The following ZNF600 variants were observed in gnomAD, a reference collection of about 807,000 sequenced individuals.
ZNF600 encodes the protein zinc finger protein KR-ZNF1.
Under a neutral mutation model 7.3 loss-of-function variants are expected in ZNF600, and 4 were observed. The ratio of observed to expected loss-of-function variants is 0.55; its 90% CI spans 0.27 to 1.25. The LOEUF is 1.25. ZNF600 is among the 50% of genes most tolerant of loss of function. The pLI, the probability that ZNF600 is intolerant of heterozygous loss-of-function variation, is 0.12. For missense variants in ZNF600, 911 were observed against 922.1 expected (o/e 0.99, Z 0.16); for synonymous variants, 290 against 308.9 (o/e 0.94, Z 0.64).
chr19:52,774,740 G>T lies in ZNF600; in HGVS notation c.64-39C>A, dbSNP rs533723206. The stretch of plus-strand genomic sequence containing the variant: ...CACATTTCCACAAAACATTATGGAG[G>T]ATTGAGTTATCACCTTCATGGGAAA... On this transcript the variant is annotated intron_variant, in intron 2 of 3. Coordinates refer to ENST00000648973, the Ensembl canonical transcript of ZNF600. The T allele has an allele frequency of 1.3e-5, 13 of 985,256 alleles. No individual in the cohort carries two copies. In the South Asian group the frequency reaches 4.7e-4, roughly 36 times the overall value. 61.0% of individuals were successfully genotyped at this position (985,256 alleles called of 1,614,324 possible).
chr19:52,830,143 C>T, the ZNF600 span, among the ~76,000 whole-genome samples: 1 of 152,006 alleles, frequency 6.6e-6, no homozygotes, highest in Non-Finnish European at 1.5e-5. Context: ...TGTGTTGGTG[C>T]ATGCCTGTAA....
chr19:52,811,434 T>C, the ZNF600 span, among the ~76,000 whole-genome samples: 218 of 141,336 alleles, frequency 1.5e-3, 1 homozygote, highest in Middle Eastern at 3.8e-3. Flanking sequence ...CGCCATCCCA[T>C]CTAGGAAGCG....
At chr19:52,831,659 C>A in the ZNF600 span, among the ~76,000 whole-genome samples, 5 of 152,004 alleles carry the variant, frequency 3.3e-5, no homozygotes, top group African/African-American at 1.2e-4. Flanking sequence ...CCCGCCACCA[C>A]GCCCAGCTAA....
At chr19:52,813,534 TC>T in the ZNF600 span, among the ~76,000 whole-genome samples, 2 of 140,100 alleles carry the variant, frequency 1.4e-5, no homozygotes, top group Non-Finnish European at 3.0e-5. Flanking sequence ...ACCAGACTGT[TC>T]GGCTTGTCAC....
At chr19:52,826,460 C>T in the ZNF600 span, among the ~76,000 whole-genome samples, 1 of 152,100 alleles carries the variant, frequency 6.6e-6, no homozygotes, top group Non-Finnish European at 1.5e-5. Flanking sequence ...GTAATCCCAG[C>T]ACTTTGGGAG....
Position 52,766,415 on chromosome 19 carries a change from A to G in ZNF600, c.1548T>C (p.Cys516=), listed in dbSNP as rs1168866995. Reference sequence around the variant, plus strand: ...TTGATCCACAACTGAAAACCTTTTCACATTCTTCATATTTGTAAGGTTGCT... The same window carrying G: ...TTGATCCACAACTGAAAACCTTTTCGCATTCTTCATATTTGTAAGGTTGCT... The change falls in exon 4 of 4, where the codon TGT becomes TGC. Residue 516 remains cysteine, a synonymous_variant. Coordinates refer to ENST00000648973, the Ensembl canonical transcript of ZNF600. The G allele has an allele frequency of 4.3e-6, 7 of 1,614,052 alleles. No homozygotes were observed. The Admixed American group carries it at 6.7e-5, about 15-fold the overall frequency.
upstream of ZNF600, among the ~76,000 whole-genome samples, chr19:52,787,357 C>G (rs577272687): frequency 6.1e-4 from 93 of 152,016 alleles, no homozygotes; most frequent in South Asian, 2.9e-3. Context: ...AGTAACACCC[C>G]CTAACTGCAG....
At chr19:52,767,854 A>G in intron 3 of ZNF600, 82 bp from the exon 6 acceptor site, 1 of 1,456,290 alleles carries the variant, frequency 6.9e-7, no homozygotes, top group African/African-American at 1.4e-5. Flanking sequence ...GACACAAAAA[A>G]CAATACTTAT....
chr19:52,796,620 C>A, the ZNF600 span, among the ~76,000 whole-genome samples: 1 of 152,146 alleles, frequency 6.6e-6, no homozygotes, highest in African/African-American at 2.4e-5. Flanking sequence ...ACATGTGCCA[C>A]CATGCCCAGC....
the ZNF600 span, chr19:52,817,841 A>G: frequency 2.0e-5 from 32 of 1,582,868 alleles, no homozygotes; most frequent in Admixed American, 1.0e-4. Context: ...GTGAGCAAAC[A>G]TATCAGGCAG....
chr19:52,787,157 A>G (rs929764712), upstream of ZNF600, among the ~76,000 whole-genome samples: 350 of 152,268 alleles, frequency 2.3e-3, 1 homozygote, highest in African/African-American at 7.4e-3. Context: ...CTCAGCTTCA[A>G]AGTGTTCCCT....
At chr19:52,812,819 C>T in the ZNF600 span, among the ~76,000 whole-genome samples, 14 of 141,416 alleles carry the variant, frequency 9.9e-5, no homozygotes, top group Admixed American at 2.8e-4. Flanking sequence ...GAGTGGCATG[C>T]TTGGATGACA....
the ZNF600 span, among the ~76,000 whole-genome samples, chr19:52,809,112 T>C: frequency 6.6e-6 from 1 of 152,196 alleles, no homozygotes. Context: ...AGGAATCTCA[T>C]CTTGCTGGAA....
At chr19:52,818,882 T>TG in the ZNF600 span, among the ~76,000 whole-genome samples, 5 of 73,374 alleles carry the variant, frequency 6.8e-5, no homozygotes, top group Admixed American at 6.3e-4. Context: ...AGAGTCTGTT[T>TG]GGGAAAAAAA....
the ZNF600 span, chr19:52,799,176 T>G: frequency 2.4e-6 from 1 of 414,286 alleles, no homozygotes; most frequent in Non-Finnish European, 4.7e-6. Context: ...GCCACATTCA[T>G]TACACTTGTA....
the ZNF600 span, among the ~76,000 whole-genome samples, chr19:52,831,489 AT>A: frequency 6.7e-6 from 1 of 148,936 alleles, no homozygotes; most frequent in Non-Finnish European, 1.5e-5. Flanking sequence ...GTTTGTATTT[AT>A]TTTTGTTTTT....
intron 2 of ZNF600, among the ~76,000 whole-genome samples, chr19:52,775,467 A>T (rs746388230): frequency 6.7e-6 from 1 of 149,764 alleles, no homozygotes; most frequent in East Asian, 2.0e-4. Context: ...GGAGGATCGC[A>T]TGAATCCGAG....
chr19:52,787,259 C>T (rs1007164419), upstream of ZNF600, among the ~76,000 whole-genome samples: 13 of 151,722 alleles, frequency 8.6e-5, no homozygotes, highest in Non-Finnish European at 1.9e-4. Flanking sequence ...GATGCGGGCA[C>T]GAGGCGGAAG....
At chr19:52,769,485 G>C (rs2062615548) in intron 3 of ZNF600, among the ~76,000 whole-genome samples, 1 of 152,172 alleles carries the variant, frequency 6.6e-6, no homozygotes, top group African/African-American at 2.4e-5. Flanking sequence ...CTAGTGGACA[G>C]GTGACCCACG....
Sources: allele counts gnomAD v4.1 joint callset (sites outside exome capture counted in the v4.1 genomes callset), GRCh38; gene constraint gnomAD v4.1.1; transcripts MANE v1.5; gene names NCBI Gene and HGNC (gene_info 2026-07-23, HGNC 2026-07-21).